The following RPAP1 variants were observed in gnomAD, a reference collection of about 807,000 sequenced individuals.
RPAP1 encodes RNA polymerase II-associated protein 1.
RPAP1 carries 109 observed loss-of-function variants against 142.4 expected under a neutral mutation model. The ratio of observed to expected loss-of-function variants is 0.77; its 90% CI spans 0.66 to 0.90. The LOEUF (loss-of-function observed/expected upper bound fraction) is 0.90. RPAP1 is among the 40% of genes least tolerant of loss of function. The pLI is 0.00. For synonymous variants in RPAP1, 704 were observed against 738.9 expected (o/e 0.95, Z 0.77); for missense variants, 1,546 against 1,751.7 (o/e 0.88, Z 2.10).
intron 1 of RPAP1, among the ~76,000 whole-genome samples, chr15:41,542,867 T>C (rs1210081222): frequency 2.0e-5 from 3 of 152,180 alleles, no homozygotes; most frequent in African/African-American, 7.2e-5. Flanking sequence ...TTGGGCAGTC[T>C]GACCAACAAA....
In RPAP1 at chr15:41,521,852, T is replaced by C. The variant is rs771023001; in HGVS notation, c.2924A>G (p.His975Arg). The C allele has an allele frequency of 1.9e-6, 3 of 1,614,040 alleles. No homozygotes were observed. In the South Asian group the frequency reaches 3.3e-5, roughly 18 times the overall value. ...GGCCATACCATGATAGAGGGCAGCA[T>C]GGGTGGCTGGCAGTGGCTGCAGCGC... ...AAALQPLPAT[H>R]AALYHGMALA... The change falls in exon 21 of 25, where the codon CAT (histidine) becomes CGT (arginine). Residue 975 changes from histidine (H) to arginine (R), a missense_variant. Coordinates refer to ENST00000304330, the MANE Select transcript of RPAP1 (RefSeq NM_015540.4).
chr15:41,523,437 C>T, intron 17 of RPAP1, 83 bp from the exon 18 acceptor site: 1 of 898,434 alleles, frequency 1.1e-6, no homozygotes, highest in Non-Finnish European at 1.7e-6. Context: ...ATGCCACCAT[C>T]CCAACAGCCC....
In RPAP1 at chr15:41,539,160, G is replaced by A. The variant is rs140720100; in HGVS notation, c.-76-1959C>T. On this transcript the variant is annotated intron_variant, in intron 1 of 24. Coordinates refer to ENST00000304330, the MANE Select transcript of RPAP1 (RefSeq NM_015540.4). Reference sequence around the variant, plus strand: ...GTCTGGCTCTGTCACCCAGGCTGGAGTGCAGTAGCGTGATCTTGGCTCACT... The same window carrying A: ...GTCTGGCTCTGTCACCCAGGCTGGAATGCAGTAGCGTGATCTTGGCTCACT... Among the ~76,000 whole-genome samples the A allele has an allele frequency of 1.5e-3, 226 of 152,328 alleles. 1 individual carries two copies. Among genetic ancestry groups the A allele is most frequent in the African/African-American group, 5.3e-3 (221 of 41,566 alleles).
chr15:41,543,273 G>C (rs1479877115), intron 1 of RPAP1, among the ~76,000 whole-genome samples: 1 of 129,976 alleles, frequency 7.7e-6, no homozygotes, highest in African/African-American at 2.9e-5. Flanking sequence ...GCAATAGCAC[G>C]ATCTCGGCAC....
At chr15:41,531,608 T>C (rs1191360459) in intron 6 of RPAP1, among the ~76,000 whole-genome samples, 10 of 27,526 alleles carry the variant, frequency 3.6e-4, no homozygotes, top group South Asian at 2.8e-3. Flanking sequence ...CACATATATA[T>C]ATATATATAT....
At chr15:41,534,223 G>A (rs2051884873) in intron 6 of RPAP1, among the ~76,000 whole-genome samples, 1 of 151,884 alleles carries the variant, frequency 6.6e-6, no homozygotes, top group South Asian at 2.1e-4. Context: ...TTCGAGACCA[G>A]CCTGACCAAC....
At chr15:41,537,599 TG>T (rs1206488652) in intron 1 of RPAP1, among the ~76,000 whole-genome samples, 3 of 152,152 alleles carry the variant, frequency 2.0e-5, no homozygotes, top group Non-Finnish European at 2.9e-5. Context: ...AAAACATTTG[TG>T]GCCAGGCGCA....
chr15:41,518,315 T>C, intron 22 of RPAP1, 133 bp from the exon 23 acceptor site: 1 of 725,866 alleles, frequency 1.4e-6, no homozygotes, highest in South Asian at 2.3e-5. Context: ...TCTGTCCTTC[T>C]AGCACAAGGA....
At chr15:41,529,264 G>C (rs918778128) in intron 9 of RPAP1, among the ~76,000 whole-genome samples, 1 of 152,146 alleles carries the variant, frequency 6.6e-6, no homozygotes, top group Admixed American at 6.5e-5. Context: ...GAACCCAGGA[G>C]GTGGAGGCTG....
At chr15:41,537,698 A>G (rs1365984290) in intron 1 of RPAP1, among the ~76,000 whole-genome samples, 1 of 152,090 alleles carries the variant, frequency 6.6e-6, no homozygotes, top group Non-Finnish European at 1.5e-5. Context: ...CCTGGCCAAC[A>G]TGGTGAAACC....
chr15:41,520,218 G>A lies in RPAP1; in HGVS notation c.3795+173C>T, dbSNP rs140601396. The A allele has an allele frequency of 3.6e-3, 2,550 of 713,766 alleles. 11 individuals carry two copies. Among genetic ancestry groups the A allele is most frequent in the South Asian group, 3.4e-3 (186 of 54,128 alleles). 44.2% of individuals were successfully genotyped at this position (713,766 alleles called of 1,614,324 possible). The stretch of plus-strand genomic sequence containing the variant: ...CAGAGTGATGGAATTACAGGCGTGA[G>A]CCACCACACCCAGCCCATGTTAAGC... On this transcript the variant is annotated intron_variant, in intron 22 of 24. Coordinates refer to ENST00000304330, the MANE Select transcript of RPAP1 (RefSeq NM_015540.4).
intron 15 of RPAP1, 51 bp downstream of exon 15, chr15:41,524,940 A>G (rs1160531235): frequency 1.4e-5 from 22 of 1,587,190 alleles, no homozygotes; most frequent in Non-Finnish European, 1.9e-5. Context: ...TTTGGCCAGA[A>G]GAGCAGAACT....
Position 41,527,625 on chromosome 15 carries a change from TGGG to T in RPAP1, c.1429-23_1429-21del. ...GAGCTCCTGCCAGAGGAACGGGAGT[TGGG>T]GGGCAATGCTGAAGGGGCCAGGAAA... On this transcript the variant is annotated intron_variant, in intron 11 of 24. Transcript: ENST00000304330. The T allele has an allele frequency of 6.2e-7, 1 of 1,600,656 alleles. No homozygotes were observed. The highest frequency in any genetic ancestry group is 8.5e-7 in the Non-Finnish European group (1 of 1,174,138).
At position 41,527,300 on chromosome 15, in the gene RPAP1, C is replaced by T; in HGVS notation, c.1613G>A (p.Gly538Glu). ...PDLARHDVIKGLLATSLLPRL... is the reference protein window; with the variant it reads ...PDLARHDVIKELLATSLLPRL... ...AGGCAGCAGGCTGGTAGCCAGGAGC[C>T]CCTGGGAGTTGGAGAGAGAAACCCA... The change falls in exon 13 of 25, where the codon GGG (glycine) becomes GAG (glutamate). Residue 538 changes from glycine to glutamate, a missense_variant and splice_region_variant. Physicochemically the swap from Gly to Glu is moderately conservative, Grantham distance 98. Coordinates refer to ENST00000304330, the MANE Select transcript of RPAP1 (RefSeq NM_015540.4). 6.2e-7 allele frequency: 1 copy of T among 1,614,040 alleles called. No individual in the cohort carries two copies. The highest frequency in any genetic ancestry group is 8.5e-7 in the Non-Finnish European group (1 of 1,180,004).
At chr15:41,540,076 T>C (rs2051956478) in intron 1 of RPAP1, among the ~76,000 whole-genome samples, 1 of 152,090 alleles carries the variant, frequency 6.6e-6, no homozygotes, top group Non-Finnish European at 1.5e-5. Context: ...TTCTGTGGTA[T>C]ATAAACTATA....
intron 1 of RPAP1, among the ~76,000 whole-genome samples, chr15:41,538,890 AAAGAAAG>A (rs1324257350): frequency 3.6e-4 from 49 of 135,480 alleles, no homozygotes; most frequent in Non-Finnish European, 1.0e-4. Flanking sequence ...TAGTGAAAAG[AAAGAAAG>A]AAGCTAGCCA....
Position 41,520,577 on chromosome 15 carries a change from G to A in RPAP1, c.3609C>T (p.Gly1203=), listed in dbSNP as rs781564828. The A allele has an allele frequency of 2.5e-6, 4 of 1,614,238 alleles. No individual in the cohort carries two copies. Among genetic ancestry groups the A allele is most frequent in the Non-Finnish European group, 2.5e-6 (3 of 1,180,044 alleles). The change falls in exon 22 of 25, where the codon GGC becomes GGT. Residue 1203 remains glycine, a synonymous_variant. Transcript: ENST00000304330. Reference sequence around the variant, plus strand: ...CATAGAGGTCAGGGAAAGACGTCAGGCCAGGGAGTCGGCAGTCCAGGTTGA... The same window carrying A: ...CATAGAGGTCAGGGAAAGACGTCAGACCAGGGAGTCGGCAGTCCAGGTTGA... The part of the protein sequence containing the change: ...PNLNLDCRLP[G]LTSFPDLYAN...
intron 1 of RPAP1, among the ~76,000 whole-genome samples, chr15:41,542,367 A>T (rs2051979104): frequency 6.6e-6 from 1 of 152,226 alleles, no homozygotes; most frequent in South Asian, 2.1e-4. Flanking sequence ...ATTGCATAGA[A>T]GATCAGTGCT....
intron 5 of RPAP1, 122 bp from the exon 6 acceptor site, chr15:41,535,057 G>A (rs1180208245): frequency 1.1e-5 from 10 of 887,720 alleles, no homozygotes; most frequent in Non-Finnish European, 1.7e-5. Context: ...TTTCCTCAGA[G>A]TGGAGACCCC....
Sources: allele counts gnomAD v4.1 joint callset (sites outside exome capture counted in the v4.1 genomes callset), GRCh38; gene constraint gnomAD v4.1.1; transcripts MANE v1.5; gene names NCBI Gene and HGNC (gene_info 2026-07-23, HGNC 2026-07-21).